VPS35: variants seen among roughly 807,000 people sequenced by gnomAD.
The protein encoded by VPS35 is vacuolar protein sorting-associated protein 35.
In VPS35, 21 loss-of-function variants were observed where a neutral mutation model predicts 98.1. The ratio of observed to expected loss-of-function variants is 0.21; its 90% confidence interval spans 0.15 to 0.31. VPS35 has a LOEUF of 0.31. VPS35 is among the 10% of genes least tolerant of loss of function. The pLI is 1.00. For synonymous variants in VPS35, 268 were observed against 318.2 expected (o/e 0.84, Z 1.68); for missense variants, 554 against 950.8 (o/e 0.58, Z 5.49).
chr16:46,665,465 C>A (rs539006767), intron 13 of VPS35, among the ~76,000 whole-genome samples: 1 of 151,810 alleles, frequency 6.6e-6, no homozygotes, highest in Non-Finnish European at 1.5e-5. Flanking sequence ...TGTGGTGGCA[C>A]ATGCTTGCAG....
At chr16:46,660,700 A>G (rs1220263827) in intron 16 of VPS35, 49 bp from the exon 17 acceptor site, 3 of 1,534,974 alleles carry the variant, frequency 2.0e-6, no homozygotes, top group Admixed American at 3.4e-5. Context: ...ACCACAAAAA[A>G]TGAAAGGCAA....
chr16:46,672,934 T>G (rs1177474169), intron 10 of VPS35, among the ~76,000 whole-genome samples: 1 of 152,200 alleles, frequency 6.6e-6, no homozygotes, highest in African/African-American at 2.4e-5. Flanking sequence ...ATGTTGGTGA[T>G]TAAGGAAAAG....
intron 13 of VPS35, among the ~76,000 whole-genome samples, chr16:46,665,246 G>T (rs528429090): frequency 1.9e-3 from 287 of 152,284 alleles, no homozygotes; most frequent in Non-Finnish European, 3.6e-3. Flanking sequence ...ATTTTATCAT[G>T]ATTGACTATC....
chr16:46,688,945 C>A, intron 1 of VPS35, 186 bp downstream of exon 1: 1 of 1,487,598 alleles, frequency 6.7e-7, no homozygotes, highest in South Asian at 1.3e-5. Flanking sequence ...CCGCCCACCC[C>A]GGCCCGGATC....
intron 3 of VPS35, 200 bp from the exon 4 acceptor site, chr16:46,681,700 G>C: frequency 1.6e-6 from 1 of 618,106 alleles, no homozygotes; most frequent in South Asian, 1.9e-5. Flanking sequence ...GTCAAGCAAA[G>C]CAGTAAATAC....
At chr16:46,667,915 G>T (rs1441777441) in intron 13 of VPS35, among the ~76,000 whole-genome samples, 2 of 152,008 alleles carry the variant, frequency 1.3e-5, no homozygotes, top group East Asian at 3.9e-4. Context: ...TTACCATACT[G>T]CTTTAATTAC....
Position 46,676,509 on chromosome 16 carries a change from A to G in VPS35, c.914+74T>C, listed in dbSNP as rs1410202091. ...TATGATAAAGATGTAACAGAAACAA[A>G]TAATTCAAAAAAATGTTTAAAATTC... is the stretch of plus-strand genomic sequence containing the variant. On this transcript the variant is annotated intron_variant, in intron 8 of 16. Transcript: ENST00000299138. 9.7e-6 allele frequency: 9 copies of G among 928,704 alleles called. No homozygotes were observed. The East Asian group carries it at 1.8e-4, about 18-fold the overall frequency. The allele number at this position is 928,704 out of a possible 1,614,324, so 57.5% of individuals were successfully genotyped here.
At chr16:46,679,202 C>T in intron 5 of VPS35, 46 bp from the exon 6 acceptor site, 2 of 1,479,930 alleles carry the variant, frequency 1.4e-6, no homozygotes, top group East Asian at 2.4e-5. Flanking sequence ...ACAGGACCAA[C>T]TTACTACTAT....
intron 1 of VPS35, chr16:46,688,367 G>A (rs1966356974): frequency 2.6e-5 from 26 of 987,014 alleles, no homozygotes; most frequent in Non-Finnish European, 2.8e-5. Context: ...CAAGTTTACC[G>A]GCCAACAGCC....
At position 46,662,263 on chromosome 16, in the gene VPS35, T is replaced by C. The variant is rs779153929; in HGVS notation, c.2047A>G (p.Thr683Ala). The C allele has an allele frequency of 1.9e-6, 3 of 1,614,032 alleles. No homozygotes were observed. Among genetic ancestry groups the C allele is most frequent in the Non-Finnish European group, 2.5e-6 (3 of 1,180,026 alleles). The change falls in exon 15 of 17, where the codon ACG becomes GCG. Residue 683 changes from threonine (T) to alanine (A), a missense_variant. By Grantham distance (58) the Thr-to-Ala change is moderately conservative. This residue lies in a region of VPS35 where 153 missense variants were observed against 211.0 expected (regional missense o/e 0.73). Transcript: ENST00000299138. ...CTTACCTCCTCCCCATTTTTGTCCG[T>C]GTTTCTGCCAGACCAGAAGAGATGT... is the stretch of plus-strand genomic sequence containing the variant. ...CAHLFWSGRNTDKNGEELHGG... is the reference protein window; with the variant it reads ...CAHLFWSGRNADKNGEELHGG...
intron 8 of VPS35, 23 bp downstream of exon 8, chr16:46,676,560 C>G (rs1459613132): frequency 5.0e-6 from 7 of 1,394,254 alleles, no homozygotes; most frequent in Non-Finnish European, 7.1e-6. Flanking sequence ...GAGCATTTAT[C>G]CGCCAGTGTT....
Position 46,656,805 on chromosome 16 carries a change from G to C in VPS35, c.*3667C>G, listed in dbSNP as rs983699056. ...GTGGATCACAAGGTCAGAAGTTCGT[G>C]ACCAGCCTGGCCAACATGGTGAAAC... On this transcript the variant is annotated 3_prime_UTR_variant, in exon 17 of 17. Coordinates refer to ENST00000299138, the MANE Select transcript of VPS35 (RefSeq NM_018206.6). 1 of 152,206 alleles carries C rather than the reference G, an allele frequency of 6.6e-6. No individual in the cohort carries two copies. The allele number at this position is 152,206 out of a possible 1,614,324, so 9.4% of individuals were successfully genotyped here. A position where few individuals can be genotyped will look rare whatever the true frequency, so the allele number is the denominator to read the frequency against.
intron 13 of VPS35, among the ~76,000 whole-genome samples, chr16:46,664,545 T>A (rs1965961389): frequency 6.6e-6 from 1 of 151,076 alleles, no homozygotes; most frequent in South Asian, 2.1e-4. Flanking sequence ...TTTTGAGAAG[T>A]AGTTTCCCTC....
rs754806601 is a variant in VPS35 at position 46,681,488 on chromosome 16, G to A, written c.212C>T (p.Ser71Phe). ...KSYYELYMAI[S>F]DELHYLEVYL... ...GACCTCCAAGTAGTGCAGTTCATCAGAAATGGCCATATCTTTTAATTATGA... is the reference window on the plus strand; with the variant it reads ...GACCTCCAAGTAGTGCAGTTCATCAAAAATGGCCATATCTTTTAATTATGA... Residue 71 changes from serine to phenylalanine, a missense_variant, in exon 4 of 17, where the codon TCT becomes TTT. Physicochemically the swap from Ser to Phe is radical, Grantham distance 155. Transcript: ENST00000299138. 6.2e-7 allele frequency: 1 copy of A among 1,612,746 alleles called. No individual in the cohort carries two copies. Among genetic ancestry groups the A allele is most frequent in the East Asian group, 2.2e-5 (1 of 44,824 alleles).
intron 14 of VPS35, 124 bp downstream of exon 14, chr16:46,662,859 G>A (rs1039532155): frequency 1.2e-5 from 12 of 1,035,522 alleles, no homozygotes; most frequent in African/African-American, 3.2e-5. Context: ...CATGATGGTG[G>A]GAAGGTGGTA....
chr16:46,681,791 A>C (rs1966238935), intron 3 of VPS35: 1 of 539,216 alleles, frequency 1.9e-6, no homozygotes, highest in African/African-American at 1.9e-5. Context: ...GCTGCATAAC[A>C]AAATCTAAGT....
At chr16:46,683,673 T>C (rs1966268011) in intron 1 of VPS35, 67 bp from the exon 2 acceptor site, 1 of 1,439,606 alleles carries the variant, frequency 6.9e-7, no homozygotes, top group African/African-American at 1.4e-5. Flanking sequence ...ATTTCTATAG[T>C]TCTAGCCATA....
intron 6 of VPS35, among the ~76,000 whole-genome samples, chr16:46,678,491 CCT>C (rs1339957080): frequency 6.6e-6 from 1 of 152,138 alleles, no homozygotes; most frequent in Non-Finnish European, 1.5e-5. Context: ...TTTGCCATTC[CCT>C]GTTTTATTCC....
chr16:46,659,189 G>T lies in VPS35; in HGVS notation c.*1283C>A, dbSNP rs1416130032. ...GAGGAACTGGGGCCTCTGCCCTCAA[G>T]AAGAGGAACTGGGGCCTCTGCCTAA... On this transcript the variant is annotated 3_prime_UTR_variant, in exon 17 of 17. Transcript: ENST00000299138. 1 of 152,326 alleles carries T rather than the reference G, an allele frequency of 6.6e-6. No homozygotes were observed. The highest frequency in any genetic ancestry group is 1.5e-5 in the Non-Finnish European group (1 of 68,144). The allele number at this position is 152,326 out of a possible 1,614,324, so 9.4% of individuals were successfully genotyped here.
Sources: gnomAD v4.1 joint callset for allele counts (sites outside exome capture counted in the v4.1 genomes callset) on GRCh38, gnomAD v4.1.1 for gene constraint, gnomAD v4.1.1 regional missense constraint, MANE v1.5 for transcripts, NCBI Gene and HGNC (gene_info 2026-07-23, HGNC 2026-07-21) for gene names.